PATJ: variants seen among roughly 807,000 people sequenced by gnomAD.
PATJ encodes the protein inaD-like protein.
In PATJ, 190 loss-of-function variants were observed where a neutral mutation model predicts 224.9. The ratio of observed to expected loss-of-function variants is 0.84; its 90% confidence interval spans 0.75 to 0.95. The LOEUF (loss-of-function observed/expected upper bound fraction) is 0.95, where lower values mean the gene tolerates loss of function less well. PATJ is among the 40% of genes least tolerant of loss of function. The pLI is 0.00. For synonymous variants in PATJ, 769 were observed against 820.3 expected (o/e 0.94, Z 1.07); for missense variants, 2,121 against 2,270.3 (o/e 0.93, Z 1.34).
At chr1:61,782,083 GAGACTACACTTT>G (rs143026247) in intron 7 of PATJ, among the ~76,000 whole-genome samples, 5,166 of 152,200 alleles carry the variant, frequency 0.034, 269 homozygotes, top group African/African-American at 0.11. Flanking sequence ...GTGTTCAGGA[GAGACTACACTTT>G]AGGCACCTAG....
intron 31 of PATJ, among the ~76,000 whole-genome samples, chr1:62,054,744 T>G (rs1654252234): frequency 6.6e-6 from 1 of 152,176 alleles, no homozygotes; most frequent in Non-Finnish European, 1.5e-5. Context: ...ATAATCTCAT[T>G]GGCTTAATTT....
At chr1:62,104,107 A>G (rs1035377193) in intron 33 of PATJ, among the ~76,000 whole-genome samples, 1 of 140,538 alleles carries the variant, frequency 7.1e-6, no homozygotes, top group Non-Finnish European at 1.6e-5. Flanking sequence ...GGGTTTTGGA[A>G]TGTTATTTAC....
chr1:61,858,469 C>T (rs1664051401), intron 18 of PATJ, among the ~76,000 whole-genome samples: 1 of 152,120 alleles, frequency 6.6e-6, no homozygotes, highest in South Asian at 2.1e-4. Flanking sequence ...ACCATGTTGG[C>T]CAGGCTGGTC....
At chr1:62,156,036 T>C (rs1352053760) in intron 43 of PATJ, among the ~76,000 whole-genome samples, 18 of 105,304 alleles carry the variant, frequency 1.7e-4, no homozygotes, top group African/African-American at 4.9e-4. Flanking sequence ...CCAGCCTGGG[T>C]GACAGAGCAA....
At chr1:62,049,695 G>A (rs1442559116) in intron 30 of PATJ, among the ~76,000 whole-genome samples, 4 of 152,254 alleles carry the variant, frequency 2.6e-5, no homozygotes, top group African/African-American at 9.6e-5. Context: ...TAGATTTTTA[G>A]TGGTATGTAT....
intron 1 of PATJ, among the ~76,000 whole-genome samples, chr1:61,747,586 A>C (rs1645088011): frequency 6.6e-6 from 1 of 152,222 alleles, no homozygotes. Flanking sequence ...TAATTCCGGT[A>C]AAATTATGGA....
At chr1:61,859,776 T>C (rs1664268868) in intron 18 of PATJ, among the ~76,000 whole-genome samples, 1 of 152,052 alleles carries the variant, frequency 6.6e-6, no homozygotes, top group Non-Finnish European at 1.5e-5. Flanking sequence ...TGCGCCACCA[T>C]GCCCAGCTAA....
intron 11 of PATJ, among the ~76,000 whole-genome samples, chr1:61,799,717 C>A (rs1652073296): frequency 2.0e-5 from 3 of 152,118 alleles, no homozygotes; most frequent in Admixed American, 2.0e-4. Context: ...CCACCAGCCT[C>A]CTTCATCCTG....
intron 27 of PATJ, among the ~76,000 whole-genome samples, chr1:61,939,201 A>T (rs943479954): frequency 3.3e-5 from 5 of 151,644 alleles, no homozygotes; most frequent in African/African-American, 7.3e-5. Flanking sequence ...AAGTCTATAT[A>T]AGGTATTTTT....
At chr1:61,776,961 G>C (rs1449400805) in intron 7 of PATJ, among the ~76,000 whole-genome samples, 4 of 152,054 alleles carry the variant, frequency 2.6e-5, no homozygotes, top group Non-Finnish European at 5.9e-5. Flanking sequence ...TCCTGACCTC[G>C]TGATCCGCCC....
intron 43 of PATJ, among the ~76,000 whole-genome samples, chr1:62,155,496 C>G (rs534405984): frequency 6.6e-6 from 1 of 152,210 alleles, no homozygotes; most frequent in East Asian, 1.9e-4. Context: ...CCAGCATCCA[C>G]ACAGTGGGAC....
intron 27 of PATJ, among the ~76,000 whole-genome samples, chr1:61,973,024 T>G (rs1431048958): frequency 1.3e-5 from 2 of 152,116 alleles, no homozygotes; most frequent in Non-Finnish European, 2.9e-5. Flanking sequence ...TTAGAATCTA[T>G]TCTTAAAATT....
At chr1:62,019,468 G>A (rs1436018899) in intron 29 of PATJ, among the ~76,000 whole-genome samples, 2 of 151,640 alleles carry the variant, frequency 1.3e-5, no homozygotes, top group East Asian at 1.9e-4. Context: ...GCAGTGAGCC[G>A]AGATCACGCC....
intron 1 of PATJ, among the ~76,000 whole-genome samples, chr1:61,744,745 A>T (rs938964376): frequency 2.0e-5 from 3 of 152,158 alleles, no homozygotes; most frequent in Non-Finnish European, 4.4e-5. Context: ...CGATTCTGAA[A>T]CTATTTACCT....
chr1:61,905,859 T>C lies in PATJ; in HGVS notation c.3382-2513T>C, dbSNP rs1031347780. 5.3e-5 allele frequency among the ~76,000 whole-genome samples: 8 copies of C among 152,144 alleles called. 1 individual carries two copies. The highest frequency in any genetic ancestry group is 5.2e-4 in the Admixed American group (8 of 15,270). ...TCCAGTCGACACCGACTGGATGTCT[T>C]ATAATTCTGATACTATGTATCTGGA... On this transcript the variant is annotated intron_variant, in intron 24 of 43. Coordinates refer to ENST00000642238, the MANE Select transcript of PATJ (RefSeq NM_001350145.3).
At position 62,047,414 on chromosome 1, in the gene PATJ, G is replaced by A. The variant is rs537188265; in HGVS notation, c.4033-3552G>A. 1.2e-4 allele frequency among the ~76,000 whole-genome samples: 17 copies of A among 138,080 alleles called. No homozygotes were observed. The South Asian group carries it at 3.6e-3, about 29-fold the overall frequency. 90.6% of individuals were successfully genotyped at this position (138,080 alleles called of 152,430 possible). On this transcript the variant is annotated intron_variant, in intron 30 of 43. Coordinates refer to ENST00000642238, the MANE Select transcript of PATJ (RefSeq NM_001350145.3). Reference sequence around the variant, plus strand: ...TGGGATTACAAGCACCCACCACCACGCCTGGCTAATTTTTTTGTATTTTTA... The same window carrying A: ...TGGGATTACAAGCACCCACCACCACACCTGGCTAATTTTTTTGTATTTTTA...
At chr1:61,985,266 C>T (rs72641121) in intron 27 of PATJ, among the ~76,000 whole-genome samples, 13,720 of 151,822 alleles carry the variant, frequency 0.09, 1,227 homozygotes, top group East Asian at 0.39. Flanking sequence ...GAACCGAGAT[C>T]GTGCCACTGT....
intron 31 of PATJ, among the ~76,000 whole-genome samples, chr1:62,077,878 T>C (rs1019796699): frequency 5.3e-5 from 8 of 152,252 alleles, no homozygotes; most frequent in African/African-American, 1.7e-4. Flanking sequence ...CATTTATGCT[T>C]GGTTTTCTGC....
intron 10 of PATJ, among the ~76,000 whole-genome samples, chr1:61,796,684 TTC>T (rs1295102656): frequency 0.08 from 2,247 of 28,154 alleles, 47 homozygotes; most frequent in Admixed American, 0.25. Flanking sequence ...CTTTCTTTCT[TTC>T]TTTCTTTCTT....
Sources: gnomAD v4.1 joint callset for allele counts (sites outside exome capture counted in the v4.1 genomes callset) on GRCh38, gnomAD v4.1.1 for gene constraint, MANE v1.5 for transcripts, NCBI Gene and HGNC (gene_info 2026-07-23, HGNC 2026-07-21) for gene names.